The following ASTN2 variants were observed in gnomAD, a reference collection of about 807,000 sequenced individuals.
ASTN2 encodes the protein astrotactin-2.
A neutral mutation model predicts 139.8 loss-of-function variants in ASTN2; 54 were observed. The ratio of observed to expected loss-of-function variants is 0.39; its 90% CI spans 0.31 to 0.48. The LOEUF is 0.48. Among genes scored for constraint, ASTN2 ranks in the 20% least tolerant of loss-of-function variants. ASTN2 has a pLI of 0.95. For synonymous variants in ASTN2, 756 were observed against 719.5 expected (o/e 1.05, Z -0.81); for missense variants, 1,565 against 1,725.1 (o/e 0.91, Z 1.64).
chr9:117,268,650 G>A (rs1310980527), intron 2 of ASTN2, among the ~76,000 whole-genome samples: 2 of 152,154 alleles, frequency 1.3e-5, no homozygotes, highest in Admixed American at 1.3e-4. Context: ...GTGCATATAA[G>A]ATGTTCCAGA....
intron 10 of ASTN2, among the ~76,000 whole-genome samples, chr9:116,942,250 C>A (rs1203794414): frequency 2.6e-5 from 4 of 152,046 alleles, no homozygotes; most frequent in Non-Finnish European, 5.9e-5. Flanking sequence ...TAAGCCTAGG[C>A]CCTCCTCCAA....
intron 16 of ASTN2, chr9:116,687,242 T>G (rs1203954535): frequency 3.0e-6 from 3 of 996,984 alleles, no homozygotes; most frequent in African/African-American, 3.5e-5. Context: ...AGCCCCAGCA[T>G]GCTGGGGAGG....
chr9:117,123,654 ATTCTTT>A (rs1198652103), intron 4 of ASTN2, among the ~76,000 whole-genome samples: 1 of 152,096 alleles, frequency 6.6e-6, no homozygotes. Flanking sequence ...TCTAGCCCTT[ATTCTTT>A]AATTTAAATA....
intron 13 of ASTN2, among the ~76,000 whole-genome samples, chr9:116,791,144 C>T (rs531340215): frequency 1.1e-4 from 16 of 152,212 alleles, no homozygotes; most frequent in African/African-American, 2.2e-4. Context: ...CGTGAGCCAC[C>T]GCACCCAGCC....
At chr9:117,228,952 T>C (rs1247832384) in intron 2 of ASTN2, among the ~76,000 whole-genome samples, 1 of 151,988 alleles carries the variant, frequency 6.6e-6, no homozygotes, top group Admixed American at 6.6e-5. Context: ...TAAAGTGAGC[T>C]GAGATGGTGC....
intron 16 of ASTN2, among the ~76,000 whole-genome samples, chr9:116,706,584 GTCC>G (rs1792867228): frequency 6.6e-6 from 1 of 151,926 alleles, no homozygotes; most frequent in East Asian, 1.9e-4. Flanking sequence ...TATCTATTTG[GTCC>G]TAATGTAACA....
intron 15 of ASTN2, among the ~76,000 whole-genome samples, chr9:116,726,356 A>G (rs1356171975): frequency 1.3e-5 from 2 of 152,302 alleles, no homozygotes; most frequent in East Asian, 3.9e-4. Context: ...ATTTGACAAC[A>G]ACAACACCCA....
chr9:116,435,008 G>A (rs1453873263), intron 22 of ASTN2, among the ~76,000 whole-genome samples: 1 of 152,158 alleles, frequency 6.6e-6, no homozygotes, highest in Non-Finnish European at 1.5e-5. Flanking sequence ...TCTTATATCA[G>A]TCCTCAAAGT....
chr9:116,637,040 G>A (rs12682871), intron 17 of ASTN2, among the ~76,000 whole-genome samples: 43,530 of 152,070 alleles, frequency 0.29, 7,232 homozygotes, highest in Admixed American at 0.42. Flanking sequence ...GAAGCAGAGA[G>A]CAACCCTCAC....
At chr9:117,214,302 C>T in intron 3 of ASTN2, 56 bp downstream of exon 3, 2 of 1,532,780 alleles carry the variant, frequency 1.3e-6, no homozygotes, top group African/African-American at 1.4e-5. Flanking sequence ...TTCTGCACCT[C>T]TTCCCATCTT....
chr9:117,025,338 C>T (rs1215279449), intron 6 of ASTN2, among the ~76,000 whole-genome samples: 1 of 152,156 alleles, frequency 6.6e-6, no homozygotes, highest in Admixed American at 6.5e-5. Context: ...AATGTGCCCT[C>T]ACCCCTGTAC....
intron 1 of ASTN2, among the ~76,000 whole-genome samples, chr9:117,327,620 A>G (rs1828559734): frequency 6.6e-6 from 1 of 152,146 alleles, no homozygotes; most frequent in Non-Finnish European, 1.5e-5. Flanking sequence ...AGATCATGAC[A>G]GTACTGGTGT....
chr9:116,659,226 C>A lies in ASTN2; in HGVS notation c.2807-7433G>T, dbSNP rs1445946354. Among the ~76,000 whole-genome samples, 3 of 151,958 alleles carry A rather than the reference C, an allele frequency of 2.0e-5. No homozygotes were observed. The East Asian group carries it at 5.8e-4, about 29-fold the overall frequency. On this transcript the variant is annotated intron_variant, in intron 16 of 22. Coordinates refer to ENST00000313400, the MANE Select transcript of ASTN2 (RefSeq NM_001365068.1). The stretch of plus-strand genomic sequence containing the variant: ...ATAATTAAATGAATATATTTCTCTC[C>A]AAATATACCATAAGTTTCATGAGAA...
chr9:116,600,840 G>A (rs569077569), intron 19 of ASTN2, among the ~76,000 whole-genome samples: 207 of 151,806 alleles, frequency 1.4e-3, no homozygotes, highest in South Asian at 9.2e-3. Context: ...TACCTGAACC[G>A]CTTTCCATCC....
chr9:116,963,043 A>AGT (rs1186801979), intron 10 of ASTN2, among the ~76,000 whole-genome samples: 4 of 152,232 alleles, frequency 2.6e-5, no homozygotes, highest in African/African-American at 9.6e-5. Flanking sequence ...AACTCCAGGA[A>AGT]CACATAGACT....
intron 17 of ASTN2, among the ~76,000 whole-genome samples, chr9:116,633,395 G>C (rs1856904832): frequency 6.6e-6 from 1 of 152,162 alleles, no homozygotes. Flanking sequence ...TCCTGGAAGG[G>C]GAAACCTGGC....
intron 19 of ASTN2, among the ~76,000 whole-genome samples, chr9:116,501,674 G>A (rs1399244974): frequency 4.6e-5 from 7 of 151,822 alleles, no homozygotes; most frequent in Non-Finnish European, 8.8e-5. Context: ...GACACAGGAA[G>A]GGGAACATCA....
At chr9:116,567,924 T>C (rs1853316986) in intron 19 of ASTN2, among the ~76,000 whole-genome samples, 1 of 152,204 alleles carries the variant, frequency 6.6e-6, no homozygotes, top group South Asian at 2.1e-4. Context: ...ACTGTGCCTT[T>C]AATAATAACC....
intron 6 of ASTN2, among the ~76,000 whole-genome samples, chr9:117,022,594 T>C (rs1837916979): frequency 5.9e-5 from 9 of 152,152 alleles, no homozygotes. Flanking sequence ...AAAACTAGAC[T>C]TAACACGGGA....
Sources: gnomAD v4.1 joint callset for allele counts (sites outside exome capture counted in the v4.1 genomes callset) on GRCh38, gnomAD v4.1.1 for gene constraint, MANE v1.5 for transcripts, NCBI Gene and HGNC (gene_info 2026-07-23, HGNC 2026-07-21) for gene names.